The following CSMD1 variants were observed in gnomAD, a reference collection of about 807,000 sequenced individuals.
CSMD1 encodes CUB and Sushi multiple domains 1.
In CSMD1, 213 loss-of-function variants were observed where a neutral mutation model predicts 417.5. The observed-to-expected ratio is 0.51, with a 90% CI of 0.46 to 0.57. The LOEUF is 0.57. CSMD1 is among the 20% of genes least tolerant of loss of function. CSMD1 has a pLI of 0.00. For missense variants in CSMD1, 6,923 were observed against 4,529.7 expected (o/e 1.53, Z -15.17); for synonymous variants, 2,862 against 1,736.8 (o/e 1.65, Z -16.11).
At chr8:3,781,085 T>C (rs984443813) in intron 5 of CSMD1, among the ~76,000 whole-genome samples, 14 of 152,202 alleles carry the variant, frequency 9.2e-5, no homozygotes, top group African/African-American at 2.4e-4. Context: ...GTTATGATCA[T>C]GGCACTGCAA....
At chr8:3,350,284 ATG>A (rs1808331316) in intron 21 of CSMD1, among the ~76,000 whole-genome samples, 1 of 147,800 alleles carries the variant, frequency 6.8e-6, no homozygotes, top group Admixed American at 6.9e-5. Context: ...TAACTTGTGT[ATG>A]TGTGTGTTAT....
At chr8:4,057,983 G>C (rs1377203027) in intron 3 of CSMD1, among the ~76,000 whole-genome samples, 1 of 151,204 alleles carries the variant, frequency 6.6e-6, no homozygotes, top group Non-Finnish European at 1.5e-5. Context: ...CTCCAGCTTT[G>C]TTCTTTTGCC....
chr8:3,274,409 T>G (rs528224631), intron 26 of CSMD1, among the ~76,000 whole-genome samples: 3 of 152,164 alleles, frequency 2.0e-5, no homozygotes, highest in Non-Finnish European at 4.4e-5. Flanking sequence ...ATTCTGTTGA[T>G]TTGGGGTGGA....
At chr8:3,881,569 C>T (rs1231149002) in intron 5 of CSMD1, among the ~76,000 whole-genome samples, 1 of 140,460 alleles carries the variant, frequency 7.1e-6, no homozygotes, top group African/African-American at 2.7e-5. Flanking sequence ...GGAGCCATTG[C>T]AGTCCAGCCT....
chr8:4,959,173 G>A (rs1809317484), intron 1 of CSMD1, among the ~76,000 whole-genome samples: 1 of 152,202 alleles, frequency 6.6e-6, no homozygotes, highest in African/African-American at 2.4e-5. Context: ...TGGTTTCTAT[G>A]ACACAGCTTC....
At chr8:4,303,354 C>T (rs2128874583) in intron 3 of CSMD1, among the ~76,000 whole-genome samples, 1 of 151,248 alleles carries the variant, frequency 6.6e-6, no homozygotes, top group Admixed American at 6.6e-5. Flanking sequence ...CATCTTCCAT[C>T]ACCAAAATCT....
At chr8:3,242,234 G>A (rs1231792782) in intron 26 of CSMD1, among the ~76,000 whole-genome samples, 6 of 151,950 alleles carry the variant, frequency 3.9e-5, no homozygotes, top group African/African-American at 7.2e-5. Context: ...GTGATAAAAG[G>A]ATTATAGAGT....
chr8:4,495,279 A>G (rs553636130), intron 2 of CSMD1, among the ~76,000 whole-genome samples: 1 of 152,218 alleles, frequency 6.6e-6, no homozygotes, highest in Non-Finnish European at 1.5e-5. Flanking sequence ...TGTGACTAAT[A>G]CAAAATGATT....
chr8:3,771,668 G>T (rs1798581846), intron 5 of CSMD1, among the ~76,000 whole-genome samples: 1 of 152,168 alleles, frequency 6.6e-6, no homozygotes, highest in South Asian at 2.1e-4. Flanking sequence ...CAAAACACAG[G>T]AGGAAGAGAA....
rs190237503 is a variant in CSMD1, at chr8:4,056,716, T to C, written c.416-24617A>G. Among the ~76,000 whole-genome samples, 4 of 151,762 alleles carry C rather than the reference T, an allele frequency of 2.6e-5. No homozygotes were observed. The East Asian group carries it at 7.8e-4, about 30-fold the overall frequency. On this transcript the variant is annotated intron_variant, in intron 3 of 69. Transcript: ENST00000635120. ...CCACCCCACAACAGGCCCTGGTGTG[T>C]GATGTACCCCTTCCTGTGTCCATGC...
chr8:3,228,413 A>G (rs1255264650), intron 27 of CSMD1, among the ~76,000 whole-genome samples: 1 of 152,196 alleles, frequency 6.6e-6, no homozygotes, highest in African/African-American at 2.4e-5. Flanking sequence ...TTCCAATTAT[A>G]TATTTTCCAT....
At chr8:4,357,778 A>C (rs1206899866) in intron 3 of CSMD1, among the ~76,000 whole-genome samples, 1 of 152,202 alleles carries the variant, frequency 6.6e-6, no homozygotes, top group African/African-American at 2.4e-5. Flanking sequence ...GAAAAGAATA[A>C]GGAGGATGGG....
At chr8:3,354,178 G>C (rs530598775) in intron 21 of CSMD1, among the ~76,000 whole-genome samples, 1 of 152,182 alleles carries the variant, frequency 6.6e-6, no homozygotes, top group South Asian at 2.1e-4. Flanking sequence ...CTCTCAATCT[G>C]CCTATTCAAT....
chr8:4,731,826 T>C (rs945610212), intron 1 of CSMD1, among the ~76,000 whole-genome samples: 1 of 152,168 alleles, frequency 6.6e-6, no homozygotes, highest in African/African-American at 2.4e-5. Context: ...ACAGTGTTTT[T>C]CTTATTGTGT....
intron 2 of CSMD1, among the ~76,000 whole-genome samples, chr8:4,474,443 T>G (rs1800692640): frequency 6.6e-6 from 1 of 152,058 alleles, no homozygotes; most frequent in Admixed American, 6.6e-5. Context: ...AAAAAGAAAT[T>G]CTGTAGAATG....
intron 5 of CSMD1, among the ~76,000 whole-genome samples, chr8:3,782,207 C>T (rs1257469285): frequency 3.9e-5 from 6 of 151,986 alleles, no homozygotes; most frequent in East Asian, 1.9e-4. Flanking sequence ...ATTCACGGTG[C>T]GGCATAGGAC....
intron 7 of CSMD1, among the ~76,000 whole-genome samples, chr8:3,628,122 G>T (rs372383182): frequency 6.6e-6 from 1 of 152,126 alleles, no homozygotes; most frequent in Non-Finnish European, 1.5e-5. Flanking sequence ...AGTGTTGCAG[G>T]ATATACTGTC....
chr8:3,995,490 C>T (rs997298582), intron 5 of CSMD1, among the ~76,000 whole-genome samples: 2 of 152,190 alleles, frequency 1.3e-5, no homozygotes, highest in Admixed American at 1.3e-4. Context: ...AACAGAGAAA[C>T]TCTACTTCTC....
chr8:4,751,187 C>A (rs1029363757), intron 1 of CSMD1, among the ~76,000 whole-genome samples: 1 of 152,156 alleles, frequency 6.6e-6, no homozygotes. Flanking sequence ...GAATTCCAGA[C>A]CAGCCTGGCC....
Sources: gnomAD v4.1 joint callset for allele counts (sites outside exome capture counted in the v4.1 genomes callset) on GRCh38, gnomAD v4.1.1 for gene constraint, MANE v1.5 for transcripts, NCBI Gene and HGNC (gene_info 2026-07-23, HGNC 2026-07-21) for gene names.